The following PDLIM5 variants were observed in gnomAD, a reference collection of about 807,000 sequenced individuals.
PDLIM5 encodes the protein PDZ and LIM domain 5, also known as PDZ and LIM domain protein 5.
In PDLIM5, 34 loss-of-function variants were observed where a neutral mutation model predicts 64.2. That is an observed-to-expected ratio of 0.53 (90% CI 0.40 to 0.71). The LOEUF (loss-of-function observed/expected upper bound fraction) is 0.71, where lower values mean the gene tolerates loss of function less well. Among genes scored for constraint, PDLIM5 ranks in the 30% least tolerant of loss-of-function variants. The pLI, the probability that PDLIM5 is intolerant of heterozygous loss-of-function variation, is 0.00. For missense variants in PDLIM5, 683 were observed against 733.6 expected, an observed-to-expected ratio of 0.93 and a Z score of 0.80; for synonymous variants, 253 against 269.1, an observed-to-expected ratio of 0.94 and a Z score of 0.59.
intron 4 of PDLIM5, chr4:94,573,688 A>C (rs1487775914): frequency 5.5e-6 from 2 of 363,028 alleles, no homozygotes; most frequent in Non-Finnish European, 1.0e-5. Context: ...AAATCCTTAT[A>C]TTTTCTAAAG....
chr4:94,494,429 C>CTTGGTTTTTTTTTT (rs1727157489), intron 2 of PDLIM5, among the ~76,000 whole-genome samples: 2 of 51,596 alleles, frequency 3.9e-5, no homozygotes, highest in Admixed American at 3.2e-4. Context: ...TTTTTTTTTT[C>CTTGGTTTTTTTTTT]TTGTTTTTTT....
rs960707244 is a variant in PDLIM5 at position 94,628,122 on chromosome 4, A to G, written c.1108+9931A>G. On this transcript the variant is annotated intron_variant, in intron 8 of 12. Coordinates refer to ENST00000317968, the MANE Select transcript of PDLIM5 (RefSeq NM_006457.5). ...GTAAACACTTTTACTACTTCATTGA[A>G]TCCTCTCACCCTTTGAGGTAGTTAT... Among the ~76,000 whole-genome samples, 5 of 152,154 alleles carry G rather than the reference A, an allele frequency of 3.3e-5. No individual in the cohort carries two copies. In the South Asian group the frequency reaches 8.3e-4, roughly 25 times the overall value.
intron 2 of PDLIM5, among the ~76,000 whole-genome samples, chr4:94,498,300 G>A (rs534320393): frequency 6.6e-6 from 1 of 152,252 alleles, no homozygotes; most frequent in Admixed American, 6.5e-5. Flanking sequence ...ATTTAATAGA[G>A]ATGCTTTTGT....
At chr4:94,491,372 AC>A (rs1726857276) in intron 2 of PDLIM5, among the ~76,000 whole-genome samples, 1 of 152,058 alleles carries the variant, frequency 6.6e-6, no homozygotes, top group East Asian at 1.9e-4. Flanking sequence ...ATATTATAGA[AC>A]CTTTTACTAT....
chr4:94,494,423 T>G (rs182191388), intron 2 of PDLIM5, among the ~76,000 whole-genome samples: 1,539 of 130,682 alleles, frequency 0.012, 9 homozygotes, highest in Middle Eastern at 0.038. Context: ...CACTAATTTT[T>G]TTTTTCTTGT....
At chr4:94,617,979 A>G in intron 7 of PDLIM5, 25 bp from the exon 8 acceptor site, 1 of 1,391,420 alleles carries the variant, frequency 7.2e-7, no homozygotes, top group Non-Finnish European at 9.6e-7. Context: ...ACTTCACCAA[A>G]GATGTTTCTT....
chr4:94,464,436 G>C (rs1724165438), intron 2 of PDLIM5, among the ~76,000 whole-genome samples: 1 of 152,192 alleles, frequency 6.6e-6, no homozygotes, highest in African/African-American at 2.4e-5. Flanking sequence ...TTAACTTTTG[G>C]AAGTGGTAGA....
intron 2 of PDLIM5, among the ~76,000 whole-genome samples, chr4:94,474,537 C>T (rs1214126609): frequency 6.6e-6 from 1 of 152,214 alleles, no homozygotes; most frequent in African/African-American, 2.4e-5. Context: ...AGGTGTGAGC[C>T]ACCATGCCTG....
chr4:94,519,725 T>A (rs1729667187), intron 2 of PDLIM5, among the ~76,000 whole-genome samples: 1 of 152,152 alleles, frequency 6.6e-6, no homozygotes, highest in Non-Finnish European at 1.5e-5. Context: ...CTTAGGACAG[T>A]AAAACACTAT....
chr4:94,565,327 G>A (rs937665404), intron 3 of PDLIM5, among the ~76,000 whole-genome samples: 11 of 152,154 alleles, frequency 7.2e-5, no homozygotes, highest in Non-Finnish European at 1.0e-4. Context: ...CAGTGATTAG[G>A]TATATATGCA....
At position 94,666,316 on chromosome 4, in the gene PDLIM5, A is replaced by C. The variant is rs1022848360; in HGVS notation, c.*2249A>C. ...GGATAAAAGAATGGCAAGGGGTGAC[A>C]CAAAGTAGCAAACTGAATACTTCTC... is the stretch of plus-strand genomic sequence containing the variant. On this transcript the variant is annotated 3_prime_UTR_variant, in exon 13 of 13. Coordinates refer to ENST00000317968, the MANE Select transcript of PDLIM5 (RefSeq NM_006457.5). 2 of 313,148 alleles carry C rather than the reference A, an allele frequency of 6.4e-6. No homozygotes were observed. The highest frequency in any genetic ancestry group is 1.2e-5 in the Non-Finnish European group (2 of 172,280). 19.4% of individuals were successfully genotyped at this position (313,148 alleles called of 1,614,324 possible).
chr4:94,499,610 G>C (rs1223386971), intron 2 of PDLIM5, among the ~76,000 whole-genome samples: 1 of 152,164 alleles, frequency 6.6e-6, no homozygotes, highest in Non-Finnish European at 1.5e-5. Context: ...ATGCGTGTAG[G>C]TTATATACAA....
intron 2 of PDLIM5, among the ~76,000 whole-genome samples, chr4:94,480,011 T>G (rs1725713240): frequency 6.6e-6 from 1 of 152,226 alleles, no homozygotes; most frequent in Non-Finnish European, 1.5e-5. Context: ...GGGAGGAGCC[T>G]AGAGCTAAAG....
At chr4:94,519,600 AACAGACAACT>A (rs1729657281) in intron 2 of PDLIM5, among the ~76,000 whole-genome samples, 3 of 152,302 alleles carry the variant, frequency 2.0e-5, no homozygotes, top group Middle Eastern at 3.4e-3. Flanking sequence ...CCATCTGTAA[AACAGACAACT>A]ACCTTACAAA....
chr4:94,456,108 T>C (rs1418301277), intron 2 of PDLIM5: 16 of 707,198 alleles, frequency 2.3e-5, no homozygotes, highest in Non-Finnish European at 3.1e-5. Context: ...TAGGTAATTA[T>C]TACTATTATA....
In PDLIM5 at chr4:94,585,702, T is replaced by C. The variant is rs1164874403; in HGVS notation, c.848T>C (p.Phe283Ser). The C allele has an allele frequency of 6.2e-7, 1 of 1,613,934 alleles. No individual in the cohort carries two copies. Among genetic ancestry groups the C allele is most frequent in the East Asian group, 2.2e-5 (1 of 44,864 alleles). The change falls in exon 6 of 13, where the codon TTC (phenylalanine) becomes TCC (serine). Residue 283 changes from phenylalanine to serine, a missense_variant. Transcript: ENST00000317968. ...PRTGTTQSRS[F>S]RILAQITGTE... ...ACTGGAACAACTCAGTCTCGCTCTT[T>C]CCGAATCCTTGCCCAGATCACTGGG...
chr4:94,558,379 GC>G (rs1733544960), intron 3 of PDLIM5, among the ~76,000 whole-genome samples: 1 of 152,088 alleles, frequency 6.6e-6, no homozygotes, highest in South Asian at 2.1e-4. Flanking sequence ...AATTATTATA[GC>G]CATCTCTCAA....
At chr4:94,654,661 T>TA in intron 10 of PDLIM5, 21 bp downstream of exon 10, 1 of 1,494,464 alleles carries the variant, frequency 6.7e-7, no homozygotes, top group Non-Finnish European at 9.2e-7. Flanking sequence ...GAAACGTTTT[T>TA]ATTCTGAATG....
chr4:94,468,421 G>A (rs899274236), intron 2 of PDLIM5, among the ~76,000 whole-genome samples: 5 of 152,088 alleles, frequency 3.3e-5, no homozygotes, highest in East Asian at 1.9e-4. Context: ...AATGAGCCAC[G>A]GTGCCTGGCA....
Sources: gnomAD v4.1 joint callset for allele counts (sites outside exome capture counted in the v4.1 genomes callset) on GRCh38, gnomAD v4.1.1 for gene constraint, MANE v1.5 for transcripts, NCBI Gene and HGNC (gene_info 2026-07-23, HGNC 2026-07-21) for gene names.